Variants in NPFFR1 observed in about 807,000 individuals in gnomAD.
NPFFR1 encodes the protein G-protein coupled receptor 147.
A neutral mutation model predicts 12.7 loss-of-function variants in NPFFR1; 17 were observed. The observed-to-expected ratio is 1.34, with a 90% CI of 0.92 to 2.01. The LOEUF is 2.01. Among genes scored for constraint, NPFFR1 ranks in the 30% most tolerant of loss-of-function variants. NPFFR1 has a pLI of 0.00. For synonymous variants in NPFFR1, 296 were observed against 264.5 expected (o/e 1.12, Z -1.16); for missense variants, 604 against 606.5 (o/e 1.00, Z 0.04).
Position 70,275,803 on chromosome 10 carries a change from A to G in NPFFR1, c.7+7867T>C, listed in dbSNP as rs192971234. Among the ~76,000 whole-genome samples the G allele has an allele frequency of 2.6e-4, 40 of 152,270 alleles. No individual in the cohort carries two copies. The East Asian group carries it at 7.3e-3, about 28-fold the overall frequency. On this transcript the variant is annotated intron_variant, in intron 1 of 3. Coordinates refer to ENST00000277942, the MANE Select transcript of NPFFR1 (RefSeq NM_022146.5). ...TTAGATAGTATTTCCATTATTTTTG[A>G]AATTTGTTTTGTACAACATCAAGCT...
At chr10:70,269,826 C>G (rs1218151971) in intron 1 of NPFFR1, among the ~76,000 whole-genome samples, 1 of 152,190 alleles carries the variant, frequency 6.6e-6, no homozygotes, top group East Asian at 1.9e-4. Context: ...CTCCAAAACA[C>G]TTCATGGTCT....
rs1325363592 is a variant in NPFFR1 at position 70,251,715 on chromosome 10, G to A, written c.*3242C>T. 2 of 152,304 alleles carry A rather than the reference G, an allele frequency of 1.3e-5. No individual in the cohort carries two copies. The highest frequency in any genetic ancestry group is 4.8e-5 in the African/African-American group (2 of 41,472). 9.4% of individuals were successfully genotyped at this position (152,304 alleles called of 1,614,324 possible). A position where few individuals can be genotyped will look rare whatever the true frequency, so the allele number is the denominator to read the frequency against. On this transcript the variant is annotated 3_prime_UTR_variant, in exon 4 of 4. Transcript: ENST00000277942. ...CCCAGCCAACCTGGAGGTGGAGGATGGCGTGTCAGGAATGGTCCACACCAC... is the reference window on the plus strand; with the variant it reads ...CCCAGCCAACCTGGAGGTGGAGGATAGCGTGTCAGGAATGGTCCACACCAC...
chr10:70,266,144 C>A lies in NPFFR1; in HGVS notation c.255G>T (p.Leu85=). The change falls in exon 2 of 4, where the codon CTG becomes CTT. Residue 85 remains leucine, a synonymous_variant. Coordinates refer to ENST00000277942, the MANE Select transcript of NPFFR1 (RefSeq NM_022146.5). ...TGCCCACCAGCAGGTCACTGACAGC[C>A]AGGTTGAGGATGAACATGTTGGTGA... ...HTVTNMFILN[L]AVSDLLVGIF... 6.2e-7 allele frequency: 1 copy of A among 1,613,976 alleles called. No homozygotes were observed. The highest frequency in any genetic ancestry group is 8.5e-7 in the Non-Finnish European group (1 of 1,179,890).
intron 1 of NPFFR1, among the ~76,000 whole-genome samples, chr10:70,277,057 T>A (rs905230999): frequency 2.0e-5 from 3 of 152,214 alleles, no homozygotes; most frequent in African/African-American, 4.8e-5. Flanking sequence ...TAGAAATACT[T>A]ATTGTAAGTA....
In NPFFR1 at chr10:70,266,397, AC is replaced by A; in HGVS notation, c.8-7del. 6.2e-7 allele frequency: 1 copy of A among 1,607,498 alleles called. No homozygotes were observed. Among genetic ancestry groups the A allele is most frequent in the Non-Finnish European group, 8.5e-7 (1 of 1,176,452 alleles). On this transcript the variant is annotated splice_polypyrimidine_tract_variant and splice_region_variant and intron_variant, in intron 1 of 3. Transcript: ENST00000277942. Reference sequence around the variant, plus strand: ...GGGAGGCTGGGAGGGCTCCCCTAGGACCAAAGGAATATATTGGTCAGGACCT... The same window carrying A: ...GGGAGGCTGGGAGGGCTCCCCTAGGACAAAGGAATATATTGGTCAGGACCT...
Position 70,251,219 on chromosome 10 carries a change from G to A in NPFFR1, c.*3738C>T, listed in dbSNP as rs1397997401. 1 of 152,260 alleles carries A rather than the reference G, an allele frequency of 6.6e-6. No homozygotes were observed. The highest frequency in any genetic ancestry group is 1.9e-4 in the East Asian group (1 of 5,202). 9.4% of individuals were successfully genotyped at this position (152,260 alleles called of 1,614,324 possible). A position where few individuals can be genotyped will look rare whatever the true frequency, so the allele number is the denominator to read the frequency against. ...GGAAACGGGTGCAAAAAGGTACAGA[G>A]CTTAATAGCAATCCTTTGTCCATCC... On this transcript the variant is annotated 3_prime_UTR_variant, in exon 4 of 4. Transcript: ENST00000277942.
intron 1 of NPFFR1, among the ~76,000 whole-genome samples, chr10:70,266,628 T>G (rs1414503328): frequency 6.6e-6 from 1 of 152,130 alleles, no homozygotes; most frequent in Non-Finnish European, 1.5e-5. Context: ...CCAATGTTGG[T>G]TTTTCTTTAT....
intron 1 of NPFFR1, among the ~76,000 whole-genome samples, chr10:70,271,116 C>T (rs1194216099): frequency 1.3e-5 from 2 of 152,168 alleles, no homozygotes; most frequent in East Asian, 3.8e-4. Flanking sequence ...GAATTAAAAG[C>T]CTTGAACTAA....
chr10:70,274,263 C>T (rs1307928270), intron 1 of NPFFR1, among the ~76,000 whole-genome samples: 2 of 152,074 alleles, frequency 1.3e-5, no homozygotes, highest in African/African-American at 4.8e-5. Flanking sequence ...GCCCGGCCAA[C>T]ATGGTGAAAC....
chr10:70,260,716 A>T lies in NPFFR1; in HGVS notation c.346T>A (p.Cys116Ser). The change falls in exon 3 of 4, where the codon TGC becomes AGC. Residue 116 changes from cysteine (C) to serine (S), a missense_variant. By Grantham distance (112) the Cys-to-Ser change is moderately radical (BLOSUM62 -1). Transcript: ENST00000277942. ...CCCTGCACCAAGCCGCTCATCTTGC[A>T]TGTGGCATTGTCGAAGGGCCACCCT... ...ITGWPFDNAT[C>S]KMSGLVQGMS... 1 of 1,606,944 alleles carries T rather than the reference A, an allele frequency of 6.2e-7. No individual in the cohort carries two copies. The highest frequency in any genetic ancestry group is 8.5e-7 in the Non-Finnish European group (1 of 1,176,746).
Position 70,255,504 on chromosome 10 carries a change from G to A in NPFFR1, c.746C>T (p.Pro249Leu). ...IARKLCQAPGPAPGGEEAADP... is the reference protein window; with the variant it reads ...IARKLCQAPGLAPGGEEAADP... ...CGCAGCCTCCTCGCCCCCGGGGGCC[G>A]GGCCCGGGGCCTGGCAGAGCTTGCG... Residue 249 changes from proline to leucine, a missense_variant, in exon 4 of 4, where the codon CCG (proline) becomes CTG (leucine). By Grantham distance (98) the Pro-to-Leu change is moderately conservative. Transcript: ENST00000277942. This position sits in a 1 kb window ranked among gnomAD's most constrained non-coding sequence, Gnocchi z 4.2. The A allele has an allele frequency of 1.3e-6, 2 of 1,547,644 alleles. No homozygotes were observed. The highest frequency in any genetic ancestry group is 1.7e-6 in the Non-Finnish European group (2 of 1,145,340).
chr10:70,282,175 C>G (rs1294788796), intron 1 of NPFFR1, among the ~76,000 whole-genome samples: 1 of 152,150 alleles, frequency 6.6e-6, no homozygotes, highest in Admixed American at 6.5e-5. Flanking sequence ...TTGTAGGTAA[C>G]TTGATGTCTT....
chr10:70,273,663 G>A (rs1415752411), intron 1 of NPFFR1, among the ~76,000 whole-genome samples: 1 of 152,120 alleles, frequency 6.6e-6, no homozygotes, highest in Non-Finnish European at 1.5e-5. Context: ...TCAGGTGTCT[G>A]CACCAACCGC....
intron 1 of NPFFR1, among the ~76,000 whole-genome samples, chr10:70,283,183 C>A (rs1462986340): frequency 6.6e-6 from 1 of 151,862 alleles, no homozygotes; most frequent in Non-Finnish European, 1.5e-5. Context: ...ATGTACAACA[C>A]AAATACAGAG....
chr10:70,272,815 C>T (rs977222811), intron 1 of NPFFR1, among the ~76,000 whole-genome samples: 12 of 152,164 alleles, frequency 7.9e-5, no homozygotes, highest in African/African-American at 1.9e-4. Flanking sequence ...CCAGTTCTCA[C>T]GGTTTACCCT....
At chr10:70,275,903 C>G (rs1008088945) in intron 1 of NPFFR1, among the ~76,000 whole-genome samples, 4 of 152,114 alleles carry the variant, frequency 2.6e-5, no homozygotes, top group African/African-American at 4.8e-5. Context: ...GAGACTTGCT[C>G]TAAGAATACA....
In NPFFR1 at chr10:70,253,302, T is replaced by A. The variant is rs1315258854; in HGVS notation, c.*1655A>T. 3 of 152,062 alleles carry A rather than the reference T, an allele frequency of 2.0e-5. No homozygotes were observed. The highest frequency in any genetic ancestry group is 7.2e-5 in the African/African-American group (3 of 41,382). 9.4% of individuals were successfully genotyped at this position (152,062 alleles called of 1,614,324 possible). On this transcript the variant is annotated 3_prime_UTR_variant, in exon 4 of 4. Transcript: ENST00000277942. ...TGGGCACCAGGAGTGGGCATTCTGGTTCACTGTTAGGCAAAAAAGCCTTTG... is the reference window on the plus strand; with the variant it reads ...TGGGCACCAGGAGTGGGCATTCTGGATCACTGTTAGGCAAAAAAGCCTTTG...
At chr10:70,264,016 G>A (rs1199545743) in intron 2 of NPFFR1, among the ~76,000 whole-genome samples, 1 of 152,052 alleles carries the variant, frequency 6.6e-6, no homozygotes, top group Non-Finnish European at 1.5e-5. Flanking sequence ...GCCCAGGCAG[G>A]TTGAGACTGC....
intron 3 of NPFFR1, among the ~76,000 whole-genome samples, chr10:70,259,903 A>G (rs1840615385): frequency 6.6e-6 from 1 of 152,262 alleles, no homozygotes; most frequent in Non-Finnish European, 1.5e-5. Context: ...CCAACATGAT[A>G]CACCAAGGCA....
Sources: gnomAD v4.1 joint callset for allele counts (sites outside exome capture counted in the v4.1 genomes callset) on GRCh38, gnomAD v4.1.1 for gene constraint, Gnocchi (gnomAD v3.1) non-coding constraint, MANE v1.5 for transcripts, NCBI Gene and HGNC (gene_info 2026-07-23, HGNC 2026-07-21) for gene names.